Variants in ABI2 observed in about 807,000 individuals in gnomAD.
ABI2 encodes the protein abelson interactor 2.
A neutral mutation model predicts 59.2 loss-of-function variants in ABI2; 25 were observed. That is an observed-to-expected ratio of 0.42 (90% CI 0.31 to 0.59). The LOEUF is 0.59. Among genes scored for constraint, ABI2 ranks in the 20% least tolerant of loss-of-function variants. ABI2 has a pLI of 0.14. For missense variants in ABI2, 545 were observed against 681.8 expected, an observed-to-expected ratio of 0.80 and a Z score of 2.23; for synonymous variants, 213 against 235.5, an observed-to-expected ratio of 0.90 and a Z score of 0.87.
At chr2:203,351,532 GTTTT>G in intron 1 of ABI2, 6 of 387,506 alleles carry the variant, frequency 1.5e-5, no homozygotes, top group Admixed American at 3.4e-5. Flanking sequence ...TCAGTGTTTA[GTTTT>G]TTTTTTTTTT....
At chr2:203,339,097 C>G (rs887114761) in intron 1 of ABI2, among the ~76,000 whole-genome samples, 3 of 148,094 alleles carry the variant, frequency 2.0e-5, no homozygotes, top group African/African-American at 7.6e-5. Flanking sequence ...GACACACAGG[C>G]GTCCAACAGG....
chr2:203,392,302 CCACCACCACCACCAACAACAA>C (rs1168910266), intron 5 of ABI2, among the ~76,000 whole-genome samples: 3 of 96,048 alleles, frequency 3.1e-5, no homozygotes, highest in South Asian at 4.0e-4. Context: ...ACCACCACCA[CCACCACCACCACCAACAACAA>C]CAACAACAAC....
chr2:203,335,894 CA>C (rs1361497379), intron 1 of ABI2, among the ~76,000 whole-genome samples: 1 of 152,134 alleles, frequency 6.6e-6, no homozygotes, highest in African/African-American at 2.4e-5. Flanking sequence ...AATAAACTTA[CA>C]TAGTCATGTA....
intron 1 of ABI2, among the ~76,000 whole-genome samples, chr2:203,339,505 C>G (rs1021176186): frequency 4.0e-5 from 6 of 148,896 alleles, no homozygotes; most frequent in Non-Finnish European, 8.9e-5. Flanking sequence ...TGCTTGAACC[C>G]GGGAGGCAGA....
At chr2:203,403,885 G>A (rs2097323977) in intron 9 of ABI2, among the ~76,000 whole-genome samples, 1 of 151,470 alleles carries the variant, frequency 6.6e-6, no homozygotes, top group African/African-American at 2.4e-5. Flanking sequence ...CTGAGTAGCT[G>A]GGATTACAGG....
At chr2:203,394,238 A>G (rs1179801572) in intron 5 of ABI2, 1 of 154,864 alleles carries the variant, frequency 6.5e-6, no homozygotes, top group African/African-American at 2.4e-5. Flanking sequence ...AGTATTGATC[A>G]TCAGTGTGGG....
intron 1 of ABI2, among the ~76,000 whole-genome samples, chr2:203,352,743 AG>A (rs2089657938): frequency 1.3e-5 from 2 of 152,226 alleles, no homozygotes; most frequent in African/African-American, 4.8e-5. Context: ...ATAAATCTAC[AG>A]TGTTTTTAAA....
intron 1 of ABI2, among the ~76,000 whole-genome samples, chr2:203,348,894 C>G (rs2085574934): frequency 6.6e-6 from 1 of 151,878 alleles, no homozygotes; most frequent in Non-Finnish European, 1.5e-5. Flanking sequence ...GCCCCCTGAA[C>G]CTTGCTGAAG....
chr2:203,332,348 C>G (rs1010998870), intron 1 of ABI2, among the ~76,000 whole-genome samples: 1 of 151,920 alleles, frequency 6.6e-6, no homozygotes, highest in Non-Finnish European at 1.5e-5. Context: ...ACACCTAGGC[C>G]GGGCACGGTG....
In ABI2 at chr2:203,407,732, A is replaced by G. The variant is rs560554211; in HGVS notation, c.1193-3553A>G. On this transcript the variant is annotated intron_variant, in intron 9 of 11. Coordinates refer to ENST00000261018, the MANE Select transcript of ABI2 (RefSeq NM_001375670.1). ...GGTTATTGGGAAAGAGTCTTGTCTTATGAGGAATCATTTTAGCTAAATGAA... is the reference window on the plus strand; with the variant it reads ...GGTTATTGGGAAAGAGTCTTGTCTTGTGAGGAATCATTTTAGCTAAATGAA... Among the ~76,000 whole-genome samples the G allele has an allele frequency of 6.6e-4, 100 of 152,280 alleles. 1 individual carries two copies. The highest frequency in any genetic ancestry group is 2.3e-3 in the African/African-American group (94 of 41,554).
chr2:203,350,790 G>C (rs149333221), intron 1 of ABI2, among the ~76,000 whole-genome samples: 1 of 151,524 alleles, frequency 6.6e-6, no homozygotes, highest in South Asian at 2.1e-4. Context: ...CACCCGCCTC[G>C]GCCTCCCAAA....
chr2:203,340,699 C>A (rs541212849), intron 1 of ABI2, among the ~76,000 whole-genome samples: 4 of 152,074 alleles, frequency 2.6e-5, no homozygotes, highest in Admixed American at 2.6e-4. Flanking sequence ...CCGCTCCCAC[C>A]AAAGATAATC....
chr2:203,404,109 T>C (rs537511615), intron 9 of ABI2, among the ~76,000 whole-genome samples: 17 of 152,238 alleles, frequency 1.1e-4, no homozygotes, highest in African/African-American at 3.6e-4. Flanking sequence ...TTTTCTCTTA[T>C]CCTCCCAAGT....
At chr2:203,386,483 C>G (rs1218800545) in intron 4 of ABI2, 1 of 360,036 alleles carries the variant, frequency 2.8e-6, no homozygotes, top group African/African-American at 2.5e-5. Context: ...GCTGTGTTGC[C>G]CAGTCTGGAA....
intron 4 of ABI2, among the ~76,000 whole-genome samples, chr2:203,383,468 A>G (rs184762114): frequency 7.8e-4 from 119 of 152,364 alleles, no homozygotes; most frequent in Non-Finnish European, 1.4e-3. Context: ...GTTAACCTCC[A>G]AAGTGATAGA....
At chr2:203,401,036 A>G (rs1459051599) in intron 8 of ABI2, among the ~76,000 whole-genome samples, 2 of 152,158 alleles carry the variant, frequency 1.3e-5, no homozygotes, top group Non-Finnish European at 1.5e-5. Context: ...AAATTTCAGG[A>G]TAACCTTAGG....
At chr2:203,356,177 G>T (rs2091883336) in intron 1 of ABI2, among the ~76,000 whole-genome samples, 1 of 151,786 alleles carries the variant, frequency 6.6e-6, no homozygotes, top group Admixed American at 6.6e-5. Flanking sequence ...TACTTTTCAG[G>T]TCTGAAAAAA....
At chr2:203,362,205 A>G (rs1284173978) in intron 1 of ABI2, among the ~76,000 whole-genome samples, 1 of 152,218 alleles carries the variant, frequency 6.6e-6, no homozygotes, top group East Asian at 1.9e-4. Context: ...AAGTACAGAT[A>G]ATGTGACATC....
chr2:203,351,624 C>G (rs1415167354), intron 1 of ABI2: 4 of 431,170 alleles, frequency 9.3e-6, no homozygotes, highest in African/African-American at 2.1e-5. Context: ...CAGCCTTGAA[C>G]TCCTGTGCTC....
Sources: gnomAD v4.1 joint callset for allele counts (sites outside exome capture counted in the v4.1 genomes callset) on GRCh38, gnomAD v4.1.1 for gene constraint, MANE v1.5 for transcripts, NCBI Gene and HGNC (gene_info 2026-07-23, HGNC 2026-07-21) for gene names.